The following ANKRD36B variants were observed in gnomAD, a reference collection of about 807,000 sequenced individuals.
ANKRD36B encodes ankyrin repeat domain-containing protein 36B.
ANKRD36B carries 37 observed loss-of-function variants against 135.7 expected under a neutral mutation model. That is an observed-to-expected ratio of 0.27 (90% CI 0.21 to 0.36). The LOEUF is 0.36. Ranked by LOEUF, ANKRD36B falls within the 10% of genes least tolerant of loss-of-function variation. ANKRD36B has a pLI of 1.00. For missense variants in ANKRD36B, 549 were observed against 1,037.1 expected (o/e 0.53, Z 6.46); for synonymous variants, 179 against 348.1 (o/e 0.51, Z 5.41).
At chr2:97,557,064 T>G in intron 11 of ANKRD36B, 40 bp downstream of exon 11, 5 of 1,545,590 alleles carry the variant, frequency 3.2e-6, no homozygotes, top group Non-Finnish European at 4.4e-6. Flanking sequence ...TCATAGGCTA[T>G]GCAATAAATA....
intron 20 of ANKRD36B, 143 bp from the exon 21 acceptor site, chr2:97,547,874 T>C (rs1026385175): frequency 1.6e-6 from 2 of 1,279,666 alleles, no homozygotes; most frequent in East Asian, 2.5e-5. Flanking sequence ...GTCTGGGGAC[T>C]AGAACATGAC....
rs1287699141 is a variant in ANKRD36B at position 97,531,345 on chromosome 2, G to A, written c.2265+966C>T. Among the ~76,000 whole-genome samples, 2 of 70,148 alleles carry A rather than the reference G, an allele frequency of 2.9e-5. 1 individual carries two copies. The highest frequency in any genetic ancestry group is 7.2e-5 in the Non-Finnish European group (2 of 27,766). 46.0% of individuals were successfully genotyped at this position (70,148 alleles called of 152,430 possible). A position where few individuals can be genotyped will look rare whatever the true frequency, so the allele number is the denominator to read the frequency against. On this transcript the variant is annotated intron_variant, in intron 35 of 43. Transcript: ENST00000359901. ...ACTGCATGCTCTCACTCATAGGTGGGAATTGAACAACGAGAACACGTGGAC... is the reference window on the plus strand; with the variant it reads ...ACTGCATGCTCTCACTCATAGGTGGAAATTGAACAACGAGAACACGTGGAC...
rs376401635 is a variant in ANKRD36B, at chr2:97,565,534, G to A, written c.764-4674C>T. On this transcript the variant is annotated intron_variant, in intron 6 of 43. Coordinates refer to ENST00000359901, the MANE Select transcript of ANKRD36B (RefSeq NM_001393939.1). ...AGAACAAACAATCTCATCAAAAAGTGGGCAAAGGATATGAACAGACACTTC... is the reference window on the plus strand; with the variant it reads ...AGAACAAACAATCTCATCAAAAAGTAGGCAAAGGATATGAACAGACACTTC... Among the ~76,000 whole-genome samples the A allele has an allele frequency of 8.3e-3, 1,260 of 152,284 alleles. 10 individuals are homozygous for A. The highest frequency in any genetic ancestry group is 0.028 in the African/African-American group (1,162 of 41,546).
intron 6 of ANKRD36B, among the ~76,000 whole-genome samples, chr2:97,571,781 A>T (rs1319703435): frequency 6.6e-6 from 1 of 152,198 alleles, no homozygotes; most frequent in East Asian, 1.9e-4. Context: ...TTTGTTTCTA[A>T]TCTTTTTTCT....
At chr2:97,565,093 G>A (rs2081332096) in intron 6 of ANKRD36B, among the ~76,000 whole-genome samples, 1 of 151,860 alleles carries the variant, frequency 6.6e-6, no homozygotes, top group Non-Finnish European at 1.5e-5. Flanking sequence ...AATCCCTTGT[G>A]AGTTGTATTC....
In ANKRD36B at chr2:97,545,710, G is replaced by A. The variant is rs780514221; in HGVS notation, c.1637C>T (p.Pro546Leu). The change falls in exon 24 of 44, where the codon CCG becomes CTG. Residue 546 changes from proline (P) to leucine (L), a missense_variant. By Grantham distance (98) the Pro-to-Leu change is moderately conservative. Coordinates refer to ENST00000359901, the MANE Select transcript of ANKRD36B (RefSeq NM_001393939.1). ...KATSDKEDSV[P>L]NMATETKDEQ... ...ATCCTTTGTTTCTGTGGCCATATTCGGAACAGAATCTTCCTTGTCACTTGT... is the reference window on the plus strand; with the variant it reads ...ATCCTTTGTTTCTGTGGCCATATTCAGAACAGAATCTTCCTTGTCACTTGT... The A allele has an allele frequency of 1.7e-5, 16 of 960,678 alleles. 6 individuals are homozygous for A. Among genetic ancestry groups the A allele is most frequent in the African/African-American group, 8.4e-5 (5 of 59,618 alleles). The allele number at this position is 960,678 out of a possible 1,614,324, so 59.5% of individuals were successfully genotyped here. A position where few individuals can be genotyped will look rare whatever the true frequency, so the allele number is the denominator to read the frequency against.
At chr2:97,538,293 T>A (rs2078992315) in intron 31 of ANKRD36B, 42 bp downstream of exon 31, 1 of 973,004 alleles carries the variant, frequency 1.0e-6, no homozygotes, top group Non-Finnish European at 1.5e-6. Flanking sequence ...TTTCATAGGC[T>A]ATGCAATAAA....
chr2:97,523,364 A>T lies in ANKRD36B; in HGVS notation c.2369T>A (p.Val790Asp). The T allele has an allele frequency of 3.9e-6, 2 of 511,404 alleles. No individual in the cohort carries two copies. The highest frequency in any genetic ancestry group is 7.1e-5 in the East Asian group (2 of 28,302). The allele number at this position is 511,404 out of a possible 1,614,324, so 31.7% of individuals were successfully genotyped here. A position where few individuals can be genotyped will look rare whatever the true frequency, so the allele number is the denominator to read the frequency against. ...TTCATGTTGATCAATGAGTAATATGACATTCTTACAATTACAGCAAAGCGA... is the reference window on the plus strand; with the variant it reads ...TTCATGTTGATCAATGAGTAATATGTCATTCTTACAATTACAGCAAAGCGA... Reference protein sequence around the residue: ...GDSLCCNCKNVILLIDQHEMK... With the variant: ...GDSLCCNCKNDILLIDQHEMK... The change falls in exon 36 of 44, where the codon GTC (valine) becomes GAC (aspartate). Residue 790 changes from valine to aspartate, a missense_variant. Val to Asp is a radical substitution (Grantham distance 152, BLOSUM62 -3). Coordinates refer to ENST00000359901, the MANE Select transcript of ANKRD36B (RefSeq NM_001393939.1).
Position 97,585,019 on chromosome 2 carries a change from G to A in ANKRD36B, c.375C>T (p.Tyr125=), listed in dbSNP as rs774163578. 3.4e-5 allele frequency: 54 copies of A among 1,610,732 alleles called. No individual in the cohort carries two copies. Among genetic ancestry groups the A allele is most frequent in the South Asian group, 1.1e-4 (10 of 90,898 alleles). The change falls in exon 3 of 44, where the codon TAC becomes TAT. Residue 125 remains tyrosine, a synonymous_variant. Coordinates refer to ENST00000359901, the MANE Select transcript of ANKRD36B (RefSeq NM_001393939.1). ...TGGATGTATCTTCATTATACACAGCGTAGTGCAGAGCAGTCCTTCCAAAGA... is the reference window on the plus strand; with the variant it reads ...TGGATGTATCTTCATTATACACAGCATAGTGCAGAGCAGTCCTTCCAAAGA... ...TDVFGRTALH[Y]AVYNEDTSMI...
intron 6 of ANKRD36B, among the ~76,000 whole-genome samples, chr2:97,565,739 T>C (rs2081376136): frequency 6.6e-6 from 1 of 152,070 alleles, no homozygotes; most frequent in Non-Finnish European, 1.5e-5. Flanking sequence ...TAGGAATGCT[T>C]TTACACTGTT....
Position 97,567,501 on chromosome 2 carries a change from A to G in ANKRD36B, c.764-6641T>C, listed in dbSNP as rs368540606. 1.2e-4 allele frequency among the ~76,000 whole-genome samples: 19 copies of G among 152,098 alleles called. No homozygotes were observed. In the East Asian group the frequency reaches 2.1e-3, roughly 17 times the overall value. ...GTCATAAGTCAATCATTAGCATACA[A>G]ATGATATCATGTTGGAAATTCTGAG... is the stretch of plus-strand genomic sequence containing the variant. On this transcript the variant is annotated intron_variant, in intron 6 of 43. Coordinates refer to ENST00000359901, the MANE Select transcript of ANKRD36B (RefSeq NM_001393939.1).
intron 43 of ANKRD36B, among the ~76,000 whole-genome samples, chr2:97,494,070 C>T (rs2077275144): frequency 9.3e-6 from 1 of 106,974 alleles, no homozygotes; most frequent in South Asian, 2.2e-4. Context: ...GTCTTCTTTG[C>T]CTATTACCCA....
chr2:97,549,279 G>A (rs1245837041), intron 20 of ANKRD36B, 140 bp downstream of exon 20: 3 of 1,148,360 alleles, frequency 2.6e-6, no homozygotes, highest in African/African-American at 1.5e-5. Flanking sequence ...CATCACTCAA[G>A]AACTTACTAC....
chr2:97,560,067 G>A (rs1211787617), intron 8 of ANKRD36B, among the ~76,000 whole-genome samples: 1 of 151,868 alleles, frequency 6.6e-6, no homozygotes, highest in African/African-American at 2.4e-5. Context: ...GTAGTTCTCA[G>A]AGCAGCCAAA....
chr2:97,532,527 C>A, intron 34 of ANKRD36B, 143 bp from the exon 35 acceptor site: 1 of 356,580 alleles, frequency 2.8e-6, no homozygotes, highest in South Asian at 2.0e-5. Context: ...TAGAGACCAT[C>A]CTGGCTAACA....
chr2:97,528,850 C>T lies in ANKRD36B; in HGVS notation c.2265+3461G>A, dbSNP rs1298795935. ...ACACATACACCCTCCCAAGACTAAA[C>T]CAGGAAGAAGTTGAATCTCTGAATA... is the stretch of plus-strand genomic sequence containing the variant. On this transcript the variant is annotated intron_variant, in intron 35 of 43. Transcript: ENST00000359901. Among the ~76,000 whole-genome samples, 4 of 95,274 alleles carry T rather than the reference C, an allele frequency of 4.2e-5. 2 individuals carry two copies. Among genetic ancestry groups the T allele is most frequent in the African/African-American group, 1.3e-4 (4 of 31,684 alleles). The allele number at this position is 95,274 out of a possible 152,430, so 62.5% of individuals were successfully genotyped here.
At chr2:97,562,908 A>G (rs2081152344) in intron 6 of ANKRD36B, among the ~76,000 whole-genome samples, 1 of 152,000 alleles carries the variant, frequency 6.6e-6, no homozygotes, top group Non-Finnish European at 1.5e-5. Context: ...CATCGGTTTG[A>G]GTATCTATCA....
intron 16 of ANKRD36B, 99 bp from the exon 17 acceptor site, chr2:97,551,579 G>C (rs1337667618): frequency 1.3e-6 from 2 of 1,563,962 alleles, no homozygotes; most frequent in Admixed American, 1.7e-5. Context: ...CCTCCTGCCT[G>C]TATTAGCGTA....
chr2:97,561,189 C>T (rs1180959420), intron 6 of ANKRD36B, among the ~76,000 whole-genome samples: 2 of 151,870 alleles, frequency 1.3e-5, no homozygotes, highest in East Asian at 1.9e-4. Flanking sequence ...CAGAGTCCAA[C>T]TCATACACCT....
Sources: gnomAD v4.1 joint callset for allele counts (sites outside exome capture counted in the v4.1 genomes callset) on GRCh38, gnomAD v4.1.1 for gene constraint, MANE v1.5 for transcripts, NCBI Gene and HGNC (gene_info 2026-07-23, HGNC 2026-07-21) for gene names.